CFDP1: variants seen among roughly 807,000 people sequenced by gnomAD.
CFDP1 encodes chromatin remodeling protein CFDP1.
In CFDP1, 31 loss-of-function variants were observed where a neutral mutation model predicts 40.1. That is an observed-to-expected ratio of 0.77 (90% confidence interval 0.58 to 1.04). The LOEUF is 1.04. CFDP1 is among the 50% of genes least tolerant of loss of function. The pLI is 0.00. For missense variants in CFDP1, 423 were observed against 343.4 expected, an observed-to-expected ratio of 1.23 and a Z score of -1.83; for synonymous variants, 167 against 120.0, an observed-to-expected ratio of 1.39 and a Z score of -2.56.
intron 5 of CFDP1, among the ~76,000 whole-genome samples, chr16:75,333,203 A>G (rs564245827): frequency 6.7e-6 from 1 of 148,752 alleles, no homozygotes; most frequent in East Asian, 2.0e-4. Context: ...AGCTCACTGC[A>G]AGCTCTGCCT....
chr16:75,402,334 T>C (rs941356747), intron 4 of CFDP1, among the ~76,000 whole-genome samples: 3 of 152,202 alleles, frequency 2.0e-5, no homozygotes, highest in African/African-American at 7.2e-5. Context: ...AAGTCTTTAA[T>C]TGGGCAGAAA....
rs569407933 is a variant in CFDP1, at chr16:75,375,477, T to C, written c.650+19613A>G. On this transcript the variant is annotated intron_variant, in intron 5 of 6. Coordinates refer to ENST00000283882, the MANE Select transcript of CFDP1 (RefSeq NM_006324.3). ...CAAACTAAAATCAGAGGAGATACCA[T>C]TTCACACTTACCCAAATAAAAAAGA... is the stretch of plus-strand genomic sequence containing the variant. Among the ~76,000 whole-genome samples, 6 of 152,230 alleles carry C rather than the reference T, an allele frequency of 3.9e-5. No homozygotes were observed. The South Asian group carries it at 1.2e-3, about 32-fold the overall frequency.
intron 5 of CFDP1, among the ~76,000 whole-genome samples, chr16:75,319,390 A>G (rs1468060864): frequency 6.6e-6 from 1 of 152,190 alleles, no homozygotes; most frequent in African/African-American, 2.4e-5. Context: ...CCAAATGAGG[A>G]GGAGATAGAC....
At chr16:75,424,226 ACTAT>A (rs1385841467) in intron 1 of CFDP1, among the ~76,000 whole-genome samples, 1 of 152,224 alleles carries the variant, frequency 6.6e-6, no homozygotes, top group African/African-American at 2.4e-5. Context: ...CAGCTAAGTT[ACTAT>A]CTAACTGGAT....
intron 5 of CFDP1, among the ~76,000 whole-genome samples, chr16:75,385,238 T>C (rs964317494): frequency 6.6e-6 from 1 of 152,060 alleles, no homozygotes; most frequent in African/African-American, 2.4e-5. Context: ...ATCTTGTGAC[T>C]AATATTAATA....
chr16:75,332,305 A>G (rs182290576), intron 5 of CFDP1, among the ~76,000 whole-genome samples: 103 of 152,090 alleles, frequency 6.8e-4, no homozygotes, highest in African/African-American at 2.5e-3. Flanking sequence ...TCTCTACTAA[A>G]AATACAAAAA....
chr16:75,334,511 G>A (rs561303689), intron 5 of CFDP1, among the ~76,000 whole-genome samples: 1 of 151,050 alleles, frequency 6.6e-6, no homozygotes, highest in Non-Finnish European at 1.5e-5. Context: ...TGGAGGCAGC[G>A]CAGAGGGTGG....
intron 5 of CFDP1, among the ~76,000 whole-genome samples, chr16:75,376,365 A>G (rs1474105313): frequency 6.6e-6 from 1 of 152,232 alleles, no homozygotes; most frequent in Non-Finnish European, 1.5e-5. Context: ...TCAGCAGGAT[A>G]GATGGATAAA....
chr16:75,329,317 T>C (rs1567647282), intron 5 of CFDP1, among the ~76,000 whole-genome samples: 3 of 152,082 alleles, frequency 2.0e-5, no homozygotes, highest in Non-Finnish European at 2.9e-5. Flanking sequence ...TGGACAAAAA[T>C]ACCAAAAGAA....
intron 6 of CFDP1, among the ~76,000 whole-genome samples, chr16:75,299,424 T>TAAAA (rs55975805): frequency 0.51 from 72,578 of 142,828 alleles, 19,541 homozygotes; most frequent in Admixed American, 0.66. Context: ...CATCTCTACT[T>TAAAA]AAAAAAAAAA....
chr16:75,412,501 G>A, intron 3 of CFDP1, 34 bp downstream of exon 3: 1 of 1,492,310 alleles, frequency 6.7e-7, no homozygotes, highest in Non-Finnish European at 9.4e-7. Context: ...GGTATTTCTG[G>A]AGAGGCATTC....
chr16:75,433,470 C>T lies in CFDP1; in HGVS notation c.-118G>A, dbSNP rs957300783. Reference sequence around the variant, plus strand: ...CGGCGACGGCAGCTAGGGCGGCCCCCGACAGCGCTTTGCACATGCGCAGAG... The same window carrying T: ...CGGCGACGGCAGCTAGGGCGGCCCCTGACAGCGCTTTGCACATGCGCAGAG... On this transcript the variant is annotated 5_prime_UTR_variant, in exon 1 of 7. Transcript: ENST00000283882. 3 of 928,940 alleles carry T rather than the reference C, an allele frequency of 3.2e-6. No individual in the cohort carries two copies. The South Asian group carries it at 4.3e-5, about 13-fold the overall frequency. 57.5% of individuals were successfully genotyped at this position (928,940 alleles called of 1,614,324 possible). A position where few individuals can be genotyped will look rare whatever the true frequency, so the allele number is the denominator to read the frequency against.
At chr16:75,384,898 ATT>A (rs1393843611) in intron 5 of CFDP1, among the ~76,000 whole-genome samples, 23 of 114,462 alleles carry the variant, frequency 2.0e-4, no homozygotes, top group African/African-American at 7.0e-4. Context: ...ATATATATAT[ATT>A]GCAGACCAGT....
chr16:75,371,221 A>T (rs1481476326), intron 5 of CFDP1, among the ~76,000 whole-genome samples: 1 of 152,256 alleles, frequency 6.6e-6, no homozygotes, highest in Admixed American at 6.5e-5. Flanking sequence ...AAATGCCAGT[A>T]GCATCCCCTG....
At chr16:75,307,656 T>C (rs948422256) in intron 5 of CFDP1, among the ~76,000 whole-genome samples, 6 of 152,132 alleles carry the variant, frequency 3.9e-5, no homozygotes, top group Non-Finnish European at 8.8e-5. Context: ...CCTCCCTGGG[T>C]CAAGTGATCC....
chr16:75,410,085 A>C (rs1006769583), intron 4 of CFDP1, among the ~76,000 whole-genome samples: 4 of 113,780 alleles, frequency 3.5e-5, no homozygotes, highest in African/African-American at 9.8e-5. Flanking sequence ...AAAAAAAAAA[A>C]ACCCAAAACA....
chr16:75,383,926 A>G (rs2078872047), intron 5 of CFDP1, among the ~76,000 whole-genome samples: 1 of 152,124 alleles, frequency 6.6e-6, no homozygotes, highest in South Asian at 2.1e-4. Flanking sequence ...CTGAAGATTA[A>G]TTAACTTTGA....
chr16:75,338,547 G>A (rs1324705652), intron 5 of CFDP1, among the ~76,000 whole-genome samples: 1 of 152,196 alleles, frequency 6.6e-6, no homozygotes, highest in Admixed American at 6.5e-5. Flanking sequence ...GAGAACTTCT[G>A]GGTGGCTGTT....
Position 75,305,145 on chromosome 16 carries a change from T to TC in CFDP1, c.687dup (p.Lys230GlufsTer13). ...ATTTTCTGCTTCTTGGCACCAATTTTCCCCAAAAGGCTGCTCATGCCACTT... is the reference window on the plus strand; with the variant it reads ...ATTTTCTGCTTCTTGGCACCAATTTTCCCCCAAAAGGCTGCTCATGCCACTT... On this transcript the variant is annotated frameshift_variant, in exon 6 of 7. Transcript: ENST00000283882. LOFTEE classifies it high-confidence loss of function. The TC allele has an allele frequency of 6.2e-7, 1 of 1,614,132 alleles. No homozygotes were observed. Among genetic ancestry groups the TC allele is most frequent in the East Asian group, 2.2e-5 (1 of 44,882 alleles).
Sources: allele counts gnomAD v4.1 joint callset (sites outside exome capture counted in the v4.1 genomes callset), GRCh38; gene constraint gnomAD v4.1.1; transcripts MANE v1.5; gene names NCBI Gene and HGNC (gene_info 2026-07-23, HGNC 2026-07-21).